RTTN: variants seen among roughly 807,000 people sequenced by gnomAD.
The protein encoded by RTTN is rotatin.
A neutral mutation model predicts 269.2 loss-of-function variants in RTTN; 182 were observed. That is an observed-to-expected ratio of 0.68 (90% CI 0.60 to 0.76). RTTN has a LOEUF of 0.76. RTTN is among the 30% of genes least tolerant of loss of function. The probability of loss-of-function intolerance (pLI) is 0.00; values close to 1 mark genes in which losing one functional copy is unlikely to be tolerated. For synonymous variants in RTTN, 1,006 were observed against 963.5 expected, an observed-to-expected ratio of 1.04 and a Z score of -0.82; for missense variants, 2,545 against 2,608.6, an observed-to-expected ratio of 0.98 and a Z score of 0.53.
intron 43 of RTTN, among the ~76,000 whole-genome samples, chr18:70,028,333 T>C (rs1360934388): frequency 6.6e-6 from 1 of 151,898 alleles, no homozygotes; most frequent in Non-Finnish European, 1.5e-5. Context: ...CTAACTATCT[T>C]CTCCTTTGAA....
At position 70,176,815 on chromosome 18, in the gene RTTN, G is replaced by A; in HGVS notation, c.1336C>T (p.Leu446Phe). 2 of 1,613,540 alleles carry A rather than the reference G, an allele frequency of 1.2e-6. No homozygotes were observed. Among genetic ancestry groups the A allele is most frequent in the East Asian group, 2.2e-5 (1 of 44,834 alleles). The change falls in exon 11 of 49, where the codon CTT (leucine) becomes TTT (phenylalanine). Residue 446 changes from leucine (L) to phenylalanine (F), a missense_variant. By Grantham distance (22) the Leu-to-Phe change is conservative. Transcript: ENST00000640769. ...TTATGGTAGCACATGGTTTCTCCAA[G>A]GGCTCCCAACACCAGGAGTAGTTTC... ...KEKLLLVLGA[L>F]GETMCYHKSS... is the part of the protein sequence containing the mutation.
At chr18:70,146,325 G>A (rs1412944139) in intron 17 of RTTN, among the ~76,000 whole-genome samples, 2 of 152,154 alleles carry the variant, frequency 1.3e-5, no homozygotes, top group African/African-American at 4.8e-5. Context: ...AAGGTCAGCT[G>A]AGTGGGGAGG....
At position 70,103,835 on chromosome 18, in the gene RTTN, T is replaced by C. The variant is rs528913304; in HGVS notation, c.3903+5663A>G. On this transcript the variant is annotated intron_variant, in intron 28 of 48. Coordinates refer to ENST00000640769, the MANE Select transcript of RTTN (RefSeq NM_173630.4). ...TTGGCCCCCACTCTCTTCTGGCTTA[T>C]AGAGTTTCTGCCGAGAGATCCGCTG... Among the ~76,000 whole-genome samples, 4 of 151,952 alleles carry C rather than the reference T, an allele frequency of 2.6e-5. No individual in the cohort carries two copies. In the South Asian group the frequency reaches 6.3e-4, roughly 24 times the overall value.
At chr18:70,149,583 C>T (rs962784908) in intron 16 of RTTN, among the ~76,000 whole-genome samples, 2 of 148,824 alleles carry the variant, frequency 1.3e-5, no homozygotes, top group Admixed American at 6.7e-5. Context: ...ATGTTAATTA[C>T]GGTATCACTC....
intron 20 of RTTN, 166 bp downstream of exon 20, chr18:70,139,934 T>C (rs1190167024): frequency 3.1e-6 from 2 of 643,304 alleles, no homozygotes; most frequent in Non-Finnish European, 5.4e-6. Flanking sequence ...AGTTTTCCTT[T>C]ATAGAGACTC....
intron 18 of RTTN, among the ~76,000 whole-genome samples, chr18:70,143,237 T>A (rs2060304740): frequency 6.6e-6 from 1 of 152,152 alleles, no homozygotes; most frequent in African/African-American, 2.4e-5. Context: ...CTGTTTAAGT[T>A]CCTTATAGAT....
At position 70,059,954 on chromosome 18, in the gene RTTN, A is replaced by G. The variant is rs749579642; in HGVS notation, c.4836T>C (p.Ser1612=). ...AGAGGCTGCACATTGCTGAAAGAAG[A>G]GATGGAGTAACAAAAACACACAGTT... ...LPKLCVFVTP[S]LLSAMCSLLD... Residue 1612 remains serine, a synonymous_variant, in exon 36 of 49, where the codon TCT becomes TCC. Transcript: ENST00000640769. 6.2e-7 allele frequency: 1 copy of G among 1,614,098 alleles called. No homozygotes were observed. Among genetic ancestry groups the G allele is most frequent in the Non-Finnish European group, 8.5e-7 (1 of 1,179,968 alleles).
At chr18:70,117,355 C>T (rs2059626980) in intron 26 of RTTN, among the ~76,000 whole-genome samples, 1 of 152,022 alleles carries the variant, frequency 6.6e-6, no homozygotes, top group Non-Finnish European at 1.5e-5. Context: ...TTTCTATTTC[C>T]AGGTTCCCTT....
chr18:70,201,962 A>T lies in RTTN; in HGVS notation c.419T>A (p.Ile140Asn), dbSNP rs946828321. 1.9e-6 allele frequency: 3 copies of T among 1,608,500 alleles called. No homozygotes were observed. The African/African-American group carries it at 4.0e-5, about 22-fold the overall frequency. ...GTCTTGGGGAAAATATCCTGTTAAG[A>T]TTTCAGGGTTTTTTGACAATTCTGA... ...NQTELSKNPE[I>N]LTGYFPQDKS... is the part of the protein sequence containing the mutation. The change falls in exon 4 of 49, where the codon ATC becomes AAC. Residue 140 changes from isoleucine to asparagine, a missense_variant. Ile to Asn is a moderately radical substitution (Grantham distance 149, BLOSUM62 -3). Transcript: ENST00000640769.
intron 11 of RTTN, among the ~76,000 whole-genome samples, chr18:70,172,512 GTACT>G (rs2061168917): frequency 6.6e-6 from 1 of 152,032 alleles, no homozygotes; most frequent in African/African-American, 2.4e-5. Context: ...TCATTTTAAA[GTACT>G]TAGTCAATTA....
At chr18:70,174,563 CCAAAAAAA>C (rs766390115) in intron 11 of RTTN, among the ~76,000 whole-genome samples, 77 of 150,254 alleles carry the variant, frequency 5.1e-4, no homozygotes, top group Non-Finnish European at 9.6e-4. Flanking sequence ...TATCAAAATA[CCAAAAAAA>C]GAAAAAAAGA....
intron 4 of RTTN, among the ~76,000 whole-genome samples, chr18:70,200,246 C>A (rs2061914927): frequency 6.6e-6 from 1 of 152,166 alleles, no homozygotes; most frequent in Non-Finnish European, 1.5e-5. Context: ...TTACTTCTTT[C>A]AAAATTGCTA....
chr18:70,114,646 T>G (rs762271632), intron 26 of RTTN, 47 bp from the exon 27 acceptor site: 1 of 1,554,714 alleles, frequency 6.4e-7, no homozygotes, highest in African/African-American at 1.4e-5. Flanking sequence ...TTGAACTATA[T>G]ATTGTTTCCT....
At chr18:70,176,366 T>C (rs2061300745) in intron 11 of RTTN, among the ~76,000 whole-genome samples, 1 of 152,064 alleles carries the variant, frequency 6.6e-6, no homozygotes, top group African/African-American at 2.4e-5. Flanking sequence ...GTTAGTCCAC[T>C]GTAAGCAATC....
At chr18:70,172,930 T>C (rs752067907) in intron 11 of RTTN, among the ~76,000 whole-genome samples, 1 of 152,190 alleles carries the variant, frequency 6.6e-6, no homozygotes, top group African/African-American at 2.4e-5. Context: ...ATTTATATAA[T>C]ATTAAGGAAG....
At chr18:70,134,104 A>T (rs1035331384) in intron 23 of RTTN, among the ~76,000 whole-genome samples, 5 of 152,084 alleles carry the variant, frequency 3.3e-5, no homozygotes, top group African/African-American at 7.2e-5. Flanking sequence ...AAAGGAGTGA[A>T]TTTATGTCTG....
chr18:70,156,472 T>A (rs1429160930), intron 14 of RTTN, among the ~76,000 whole-genome samples: 1 of 152,186 alleles, frequency 6.6e-6, no homozygotes, highest in Non-Finnish European at 1.5e-5. Context: ...GCAATTTTAA[T>A]TTTGCCTGCG....
intron 27 of RTTN, among the ~76,000 whole-genome samples, chr18:70,111,719 G>C (rs2059472247): frequency 6.6e-6 from 1 of 152,150 alleles, no homozygotes; most frequent in South Asian, 2.1e-4. Flanking sequence ...AACCAACTTG[G>C]AAAACACTCT....
intron 31 of RTTN, 107 bp downstream of exon 31, chr18:70,087,882 G>A (rs750278097): frequency 8.7e-7 from 1 of 1,149,036 alleles, no homozygotes; most frequent in African/African-American, 1.5e-5. Context: ...AGACAGAAGA[G>A]ATCATGGTCA....
Sources: gnomAD v4.1 joint callset for allele counts (sites outside exome capture counted in the v4.1 genomes callset) on GRCh38, gnomAD v4.1.1 for gene constraint, MANE v1.5 for transcripts, NCBI Gene and HGNC (gene_info 2026-07-23, HGNC 2026-07-21) for gene names.